MGA: variants seen among roughly 807,000 people sequenced by gnomAD.
MGA encodes MAX gene-associated protein.
A neutral mutation model predicts 261.1 loss-of-function variants in MGA; 40 were observed. The ratio of observed to expected loss-of-function variants is 0.15; its 90% CI spans 0.12 to 0.20. The LOEUF is 0.20. MGA is among the 10% of genes least tolerant of loss of function. The pLI, the probability that MGA is intolerant of heterozygous loss-of-function variation, is 1.00. For synonymous variants in MGA, 1,302 were observed against 1,290.6 expected (o/e 1.01, Z -0.19); for missense variants, 3,397 against 3,630.5 (o/e 0.94, Z 1.65).
chr15:41,641,348 G>A (rs754098112), intron 1 of MGA, among the ~76,000 whole-genome samples: 6 of 151,982 alleles, frequency 3.9e-5, no homozygotes, highest in African/African-American at 9.7e-5. Flanking sequence ...GGGTATGTAC[G>A]TAATAGTGGA....
chr15:41,621,867 G>A (rs2056299741), intron 1 of MGA, among the ~76,000 whole-genome samples: 1 of 152,154 alleles, frequency 6.6e-6, no homozygotes, highest in African/African-American at 2.4e-5. Flanking sequence ...GCGCGTGTGC[G>A]GCCTGTAAAT....
intron 1 of MGA, among the ~76,000 whole-genome samples, chr15:41,643,094 A>G (rs2056857956): frequency 6.7e-6 from 1 of 148,284 alleles, no homozygotes; most frequent in African/African-American, 2.5e-5. Context: ...TTTTTTAGAA[A>G]CAGGGTCTTG....
chr15:41,734,310 C>T (rs1251669000), intron 11 of MGA, among the ~76,000 whole-genome samples: 1 of 152,044 alleles, frequency 6.6e-6, no homozygotes, highest in African/African-American at 2.4e-5. Flanking sequence ...ATGACTCAGT[C>T]ACTATCAAGG....
chr15:41,651,329 CTT>C (rs890843284), intron 1 of MGA, among the ~76,000 whole-genome samples: 16 of 152,244 alleles, frequency 1.1e-4, no homozygotes, highest in South Asian at 8.3e-4. Context: ...AATTTTGTCT[CTT>C]GTTTTGATCT....
At chr15:41,752,753 T>C (rs2062915573) in intron 17 of MGA, among the ~76,000 whole-genome samples, 1 of 152,062 alleles carries the variant, frequency 6.6e-6, no homozygotes, top group African/African-American at 2.4e-5. Context: ...AGACAGGGTT[T>C]CACCATATTG....
At chr15:41,651,998 G>A (rs1465336160) in intron 1 of MGA, among the ~76,000 whole-genome samples, 3 of 75,530 alleles carry the variant, frequency 4.0e-5, no homozygotes, top group Non-Finnish European at 6.9e-5. Flanking sequence ...GGAGTCTCTT[G>A]CTCTGTCACC....
At position 41,749,857 on chromosome 15, in the gene MGA, C is replaced by G. The variant is rs1168316270; in HGVS notation, c.6250C>G (p.Leu2084Val). Residue 2084 changes from leucine (L) to valine (V), a missense_variant, in exon 17 of 24, where the codon CTG becomes GTG. Physicochemically the swap from Leu to Val is conservative, Grantham distance 32 (BLOSUM62 1). This residue lies in a region of MGA where 1,410 missense variants were observed against 1,386.4 expected (regional missense o/e 1.02). Coordinates refer to ENST00000219905, the MANE Select transcript of MGA (RefSeq NM_001164273.2). ...GAGTTCCAAAGAAAAAGTGGCTGTT[C>G]TGGAAGTTAGGACCATTTCTGAAAA... is the stretch of plus-strand genomic sequence containing the variant. 2 of 1,613,836 alleles carry G rather than the reference C, an allele frequency of 1.2e-6. No homozygotes were observed. Among genetic ancestry groups the G allele is most frequent in the South Asian group, 1.1e-5 (1 of 91,068 alleles).
intron 9 of MGA, among the ~76,000 whole-genome samples, chr15:41,723,791 G>A (rs981305877): frequency 2.0e-5 from 3 of 152,098 alleles, no homozygotes; most frequent in Non-Finnish European, 2.9e-5. Context: ...ACCCCTCTCA[G>A]TCAAATCCTT....
At chr15:41,695,025 A>G (rs2059483990) in intron 2 of MGA, among the ~76,000 whole-genome samples, 1 of 152,106 alleles carries the variant, frequency 6.6e-6, no homozygotes, top group African/African-American at 2.4e-5. Context: ...GTGAATATAT[A>G]TAGTGGTGTG....
At chr15:41,703,260 C>CTTA (rs2059938023) in intron 5 of MGA, among the ~76,000 whole-genome samples, 1 of 151,458 alleles carries the variant, frequency 6.6e-6, no homozygotes, top group Non-Finnish European at 1.5e-5. Flanking sequence ...TCAGTTGAGA[C>CTTA]TTATCATCTC....
intron 9 of MGA, chr15:41,718,336 TGTATA>T (rs957466764): frequency 6.2e-6 from 2 of 323,996 alleles, no homozygotes; most frequent in Non-Finnish European, 1.1e-5. Context: ...TATATATACA[TGTATA>T]GTATTATTTA....
chr15:41,762,461 G>GTTTTT (rs34069193), intron 22 of MGA, 99 bp downstream of exon 22: 1,692 of 138,010 alleles, frequency 0.012, 194 homozygotes, highest in East Asian at 0.023. Context: ...GTTTTGTGTG[G>GTTTTT]TTTTTTTTTT....
chr15:41,636,525 A>T (rs376737222), intron 1 of MGA, among the ~76,000 whole-genome samples: 52 of 133,598 alleles, frequency 3.9e-4, no homozygotes, highest in Admixed American at 1.7e-3. Context: ...CAGTGGCGGG[A>T]TCTCGGCTCA....
intron 3 of MGA, 69 bp from the exon 4 acceptor site, chr15:41,698,794 A>G: frequency 8.2e-7 from 1 of 1,226,582 alleles, no homozygotes. Context: ...AGTTTTTTTT[A>G]ATCCTGTTTT....
chr15:41,708,061 C>T (rs578047718), intron 6 of MGA, 43 bp from the exon 7 acceptor site: 7 of 1,484,548 alleles, frequency 4.7e-6, no homozygotes, highest in South Asian at 3.8e-5. Context: ...ATAATATTGG[C>T]CTGCTAGAAT....
chr15:41,751,441 A>AG (rs1291236692), intron 17 of MGA: 29 of 152,280 alleles, frequency 1.9e-4, no homozygotes, highest in African/African-American at 7.0e-4. Flanking sequence ...TTAGTAAAAA[A>AG]GTCCAGGTGC....
chr15:41,765,128 A>C, intron 23 of MGA, 66 bp downstream of exon 23: 3 of 1,554,466 alleles, frequency 1.9e-6, no homozygotes, highest in Non-Finnish European at 2.7e-6. Context: ...ACGGTGACCA[A>C]GGAAGGCTTT....
chr15:41,720,936 T>C (rs1476273868), intron 9 of MGA, among the ~76,000 whole-genome samples: 1 of 152,118 alleles, frequency 6.6e-6, no homozygotes, highest in Non-Finnish European at 1.5e-5. Context: ...CACCAAATGG[T>C]GATAGGATTA....
At chr15:41,657,075 C>T (rs1455888482), upstream of MGA, among the ~76,000 whole-genome samples, 2 of 152,010 alleles carry the variant, frequency 1.3e-5, no homozygotes, top group South Asian at 2.1e-4. Flanking sequence ...CCACTGCGCC[C>T]AGCCCAGAAA....
Sources: gnomAD v4.1 joint callset for allele counts (sites outside exome capture counted in the v4.1 genomes callset) on GRCh38, gnomAD v4.1.1 for gene constraint, gnomAD v4.1.1 regional missense constraint, MANE v1.5 for transcripts, NCBI Gene and HGNC (gene_info 2026-07-23, HGNC 2026-07-21) for gene names.